The following ATP8B4 variants were observed in gnomAD, a reference collection of about 807,000 sequenced individuals.
ATP8B4 encodes ATPase phospholipid transporting 8B4 (putative), also known as probable phospholipid-transporting ATPase IM.
In ATP8B4, 133 loss-of-function variants were observed where a neutral mutation model predicts 145.6. The observed-to-expected ratio is 0.91, with a 90% confidence interval of 0.79 to 1.05. The LOEUF is 1.05. Ranked by LOEUF, ATP8B4 falls within the 50% of genes least tolerant of loss-of-function variation. ATP8B4 has a pLI of 0.00. For missense variants in ATP8B4, 1,458 were observed against 1,425.2 expected, an observed-to-expected ratio of 1.02 and a Z score of -0.37; for synonymous variants, 507 against 492.9, an observed-to-expected ratio of 1.03 and a Z score of -0.38.
intron 14 of ATP8B4, among the ~76,000 whole-genome samples, chr15:49,947,040 C>T (rs978707109): frequency 2.0e-5 from 3 of 152,204 alleles, no homozygotes; most frequent in African/African-American, 7.2e-5. Context: ...TCCAGCTCTC[C>T]TTCATTTCTA....
At chr15:49,973,091 T>C (rs1293984833) in intron 12 of ATP8B4, among the ~76,000 whole-genome samples, 9 of 152,210 alleles carry the variant, frequency 5.9e-5, no homozygotes, top group Non-Finnish European at 1.2e-4. Context: ...TAGTGTATTA[T>C]TTTGTGTCTC....
At chr15:49,900,928 T>C (rs752507540) in intron 21 of ATP8B4, among the ~76,000 whole-genome samples, 164 bp downstream of exon 21, 3 of 152,148 alleles carry the variant, frequency 2.0e-5, no homozygotes, top group Non-Finnish European at 4.4e-5. Flanking sequence ...AGATATATAT[T>C]AGAAGTTTCC....
intron 14 of ATP8B4, among the ~76,000 whole-genome samples, chr15:49,941,573 G>A (rs12915576): frequency 0.22 from 33,490 of 152,020 alleles, 4,873 homozygotes; most frequent in Non-Finnish European, 0.31. Flanking sequence ...GAAAAGGGAA[G>A]GCTTGTACAC....
At chr15:49,914,387 T>C (rs1356097365) in intron 20 of ATP8B4, among the ~76,000 whole-genome samples, 1 of 152,062 alleles carries the variant, frequency 6.6e-6, no homozygotes, top group Non-Finnish European at 1.5e-5. Context: ...GAAGATAACA[T>C]AGGGAAAACA....
Position 49,860,420 on chromosome 15 carries a change from G to C in ATP8B4, c.3353C>G (p.Pro1118Arg), listed in dbSNP as rs750060964. Residue 1118 changes from proline to arginine, a missense_variant, in exon 28 of 28, where the codon CCT (proline) becomes CGT (arginine). Physicochemically the swap from Pro to Arg is moderately radical, Grantham distance 103 (BLOSUM62 -2). Coordinates refer to ENST00000284509, the MANE Select transcript of ATP8B4 (RefSeq NM_024837.4). ...TCTTGAGCTTGACCTGCGGGTCCGA[G>C]GCCTTCGGCTACTTGGAGGCCTTGC... ...KKARPPSSRR[P>R]RTRRSSSRRS... The C allele has an allele frequency of 6.2e-7, 1 of 1,613,956 alleles. No homozygotes were observed. Among genetic ancestry groups the C allele is most frequent in the South Asian group, 1.1e-5 (1 of 91,070 alleles).
At chr15:50,157,902 G>A (rs983256751) in intron 1 of ATP8B4, among the ~76,000 whole-genome samples, 15 of 152,134 alleles carry the variant, frequency 9.9e-5, no homozygotes, top group Admixed American at 2.0e-4. Context: ...TTGCAGGCGC[G>A]TGCCGCCACG....
chr15:50,144,556 C>G (rs2044251939), intron 1 of ATP8B4, among the ~76,000 whole-genome samples: 3 of 152,150 alleles, frequency 2.0e-5, no homozygotes, highest in African/African-American at 7.2e-5. Flanking sequence ...ATGAGACTCA[C>G]TCACTATCTT....
intron 3 of ATP8B4, among the ~76,000 whole-genome samples, chr15:50,048,689 T>C (rs549368991): frequency 2.4e-4 from 36 of 147,968 alleles, no homozygotes; most frequent in African/African-American, 9.0e-4. Context: ...GCCTGGGTGA[T>C]GGAGCAAGAC....
intron 3 of ATP8B4, among the ~76,000 whole-genome samples, chr15:50,053,999 C>T (rs943720422): frequency 3.9e-5 from 6 of 152,074 alleles, no homozygotes; most frequent in African/African-American, 9.7e-5. Flanking sequence ...ATTTATAGGA[C>T]TATCATGGAA....
At chr15:50,061,120 T>C (rs974540852) in intron 3 of ATP8B4, among the ~76,000 whole-genome samples, 2 of 152,082 alleles carry the variant, frequency 1.3e-5, no homozygotes, top group Admixed American at 6.6e-5. Context: ...AAGTACAATG[T>C]GCCCTTTTGA....
chr15:49,972,714 G>T lies in ATP8B4; in HGVS notation c.1111C>A (p.Pro371Thr). Residue 371 changes from proline to threonine, a missense_variant, in exon 13 of 28, where the codon CCT becomes ACT. Pro to Thr is a conservative substitution (Grantham distance 38). Transcript: ENST00000284509. ...AGCGTGGTCGTTCGAGCCACTGCAG[G>T]TATTGCTTTTCGAGAATAATACATC... ...RKMYYSRKAI[P>T]AVARTTTLNE... 1 of 1,613,926 alleles carries T rather than the reference G, an allele frequency of 6.2e-7. No individual in the cohort carries two copies. Among genetic ancestry groups the T allele is most frequent in the South Asian group, 1.1e-5 (1 of 91,068 alleles).
At chr15:50,139,554 G>C (rs1346474315) in intron 1 of ATP8B4, among the ~76,000 whole-genome samples, 1 of 152,070 alleles carries the variant, frequency 6.6e-6, no homozygotes, top group Non-Finnish European at 1.5e-5. Flanking sequence ...GTATACCTAT[G>C]CAACAAACCT....
At chr15:49,931,702 G>T (rs2041273537) in intron 15 of ATP8B4, among the ~76,000 whole-genome samples, 1 of 151,986 alleles carries the variant, frequency 6.6e-6, no homozygotes, top group South Asian at 2.1e-4. Flanking sequence ...TTGAGGTAGA[G>T]ATTATTAAAA....
intron 20 of ATP8B4, among the ~76,000 whole-genome samples, chr15:49,904,555 G>A (rs1328169168): frequency 3.3e-5 from 5 of 152,116 alleles, no homozygotes; most frequent in Admixed American, 3.3e-4. Flanking sequence ...GGTGACTAGG[G>A]GTTAGGAATT....
chr15:49,992,585 G>A (rs1046328508), intron 9 of ATP8B4, among the ~76,000 whole-genome samples: 3 of 152,128 alleles, frequency 2.0e-5, no homozygotes, highest in South Asian at 2.1e-4. Flanking sequence ...CTATGTGTCC[G>A]AAACCTGGAG....
rs150300073 is a variant in ATP8B4, at chr15:49,872,933, G to A, written c.3027+3345C>T. Among the ~76,000 whole-genome samples the A allele has an allele frequency of 6.6e-5, 10 of 152,324 alleles. No homozygotes were observed. In the South Asian group the frequency reaches 1.9e-3, roughly 28 times the overall value. ...TAACAAATGCACCATGGTGAGGTAA[G>A]ATGTTAATATTAACATCAGAGAAAA... On this transcript the variant is annotated intron_variant, in intron 25 of 27. Coordinates refer to ENST00000284509, the MANE Select transcript of ATP8B4 (RefSeq NM_024837.4).
upstream of ATP8B4, among the ~76,000 whole-genome samples, chr15:50,120,742 A>G (rs2057260903): frequency 6.6e-6 from 1 of 152,214 alleles, no homozygotes; most frequent in Non-Finnish European, 1.5e-5. Context: ...TACATATAAG[A>G]GACTGCCTAA....
chr15:49,920,348 G>T lies in ATP8B4; in HGVS notation c.1821C>A (p.Tyr607Ter). Residue 607 changes from tyrosine (Y) to a stop codon, truncating the protein, a stop_gained, in exon 18 of 28, where the codon TAC (tyrosine) becomes TAA (stop). Transcript: ENST00000284509. LOFTEE classifies it high-confidence loss of function. ...CAAGCATCTTATGCCACTCTTTAAA[G>T]TACTTGTCATCCAGGTCTCTGTATG... is the stretch of plus-strand genomic sequence containing the variant. ...AIAYRDLDDKYFKEWHKMLED... is the reference protein window; with the variant it reads ...AIAYRDLDDK 1 of 1,614,170 alleles carries T rather than the reference G, an allele frequency of 6.2e-7. No individual in the cohort carries two copies. Among genetic ancestry groups the T allele is most frequent in the Non-Finnish European group, 8.5e-7 (1 of 1,180,044 alleles).
chr15:50,162,776 A>G (rs4775866), intron 1 of ATP8B4, among the ~76,000 whole-genome samples: 136,396 of 152,192 alleles, frequency 0.9, 61,434 homozygotes, highest in East Asian at 0.94. Flanking sequence ...AAAGTGCTGG[A>G]ATTACAGGCG....
Sources: gnomAD v4.1 joint callset for allele counts (sites outside exome capture counted in the v4.1 genomes callset) on GRCh38, gnomAD v4.1.1 for gene constraint, MANE v1.5 for transcripts, NCBI Gene and HGNC (gene_info 2026-07-23, HGNC 2026-07-21) for gene names.